Variants in CDYL2 observed in about 807,000 individuals in gnomAD.
CDYL2 encodes chromodomain Y like 2, also known as chromodomain Y-like protein 2.
A neutral mutation model predicts 49.4 loss-of-function variants in CDYL2; 23 were observed. The ratio of observed to expected loss-of-function variants is 0.47; its 90% CI spans 0.34 to 0.66. The LOEUF (loss-of-function observed/expected upper bound fraction) is 0.66, where lower values mean the gene tolerates loss of function less well. CDYL2 is among the 30% of genes least tolerant of loss of function. CDYL2 has a pLI of 0.01. For missense variants in CDYL2, 678 were observed against 656.4 expected, an observed-to-expected ratio of 1.03 and a Z score of -0.36; for synonymous variants, 360 against 268.8, an observed-to-expected ratio of 1.34 and a Z score of -3.32.
At chr16:80,670,341 G>A (rs1909448854) in intron 2 of CDYL2, among the ~76,000 whole-genome samples, 1 of 152,112 alleles carries the variant, frequency 6.6e-6, no homozygotes, top group Non-Finnish European at 1.5e-5. Flanking sequence ...GAGTTCTCAT[G>A]AGATCTGATG....
intron 1 of CDYL2, among the ~76,000 whole-genome samples, chr16:80,775,225 A>G (rs1907041619): frequency 1.3e-5 from 2 of 151,794 alleles, no homozygotes; most frequent in Admixed American, 6.6e-5. Flanking sequence ...AATATATTAT[A>G]AGTGAAGATA....
chr16:80,668,908 T>A (rs1347076870), intron 2 of CDYL2, among the ~76,000 whole-genome samples: 1 of 151,838 alleles, frequency 6.6e-6, no homozygotes, highest in African/African-American at 2.4e-5. Context: ...CAAATAATAA[T>A]AATAATTTAA....
chr16:80,688,576 T>C (rs1910291019), intron 1 of CDYL2, among the ~76,000 whole-genome samples: 1 of 152,146 alleles, frequency 6.6e-6, no homozygotes, highest in Admixed American at 6.5e-5. Context: ...TTTTTGCAGG[T>C]TCAGAAAACA....
chr16:80,799,161 C>T (rs1907852954), intron 1 of CDYL2, among the ~76,000 whole-genome samples: 1 of 151,944 alleles, frequency 6.6e-6, no homozygotes, highest in Non-Finnish European at 1.5e-5. Context: ...TAACTACCCC[C>T]AAAAGCTAAC....
chr16:80,598,275 T>C lies in CDYL2; in HGVS notation c.*6113A>G, dbSNP rs148757783. 50 of 151,708 alleles carry C rather than the reference T, an allele frequency of 3.3e-4. No homozygotes were observed. The highest frequency in any genetic ancestry group is 1.2e-3 in the African/African-American group (48 of 41,338). The allele number at this position is 151,708 out of a possible 1,614,324, so 9.4% of individuals were successfully genotyped here. A position where few individuals can be genotyped will look rare whatever the true frequency, so the allele number is the denominator to read the frequency against. On this transcript the variant is annotated 3_prime_UTR_variant, in exon 7 of 7. Transcript: ENST00000570137. The stretch of plus-strand genomic sequence containing the variant: ...AATTTTGCAAAGGTCTCGGTGGATT[T>C]TGGTGTATGCTACATCCATGATCAA...
At chr16:80,628,688 T>TATAGATATTAGTTATAGATA (rs2142386036) in intron 3 of CDYL2, among the ~76,000 whole-genome samples, 1 of 152,350 alleles carries the variant, frequency 6.6e-6, no homozygotes, top group Non-Finnish European at 1.5e-5. Context: ...AGATAACTAA[T>TATAGATATTAGTTATAGATA]ACAATCCCAC....
intron 1 of CDYL2, among the ~76,000 whole-genome samples, chr16:80,780,372 G>C (rs1292570315): frequency 3.3e-5 from 5 of 150,716 alleles, no homozygotes; most frequent in Admixed American, 3.3e-4. Context: ...CTGTACATGA[G>C]GAAAATGATA....
chr16:80,663,330 A>C (rs983479461), intron 2 of CDYL2, among the ~76,000 whole-genome samples: 1 of 151,802 alleles, frequency 6.6e-6, no homozygotes, highest in African/African-American at 2.4e-5. Flanking sequence ...TCAGTTCTAC[A>C]GTTGAGTGGA....
intron 1 of CDYL2, among the ~76,000 whole-genome samples, chr16:80,780,835 C>A (rs1597130679): frequency 6.6e-6 from 1 of 152,168 alleles, no homozygotes; most frequent in Admixed American, 6.6e-5. Context: ...AAAATTCTCT[C>A]TCCTCCACAA....
chr16:80,756,346 A>T (rs548723835), intron 1 of CDYL2, among the ~76,000 whole-genome samples: 1 of 151,910 alleles, frequency 6.6e-6, no homozygotes, highest in South Asian at 2.1e-4. Flanking sequence ...ATGAGAAAAC[A>T]CAAACACACA....
At chr16:80,746,480 C>T (rs1905935308) in intron 1 of CDYL2, among the ~76,000 whole-genome samples, 2 of 152,306 alleles carry the variant, frequency 1.3e-5, no homozygotes, top group South Asian at 2.1e-4. Flanking sequence ...GAGCAATTTT[C>T]CTTGCATCCT....
chr16:80,717,871 G>T (rs906742939), intron 1 of CDYL2, among the ~76,000 whole-genome samples: 1 of 152,234 alleles, frequency 6.6e-6, no homozygotes, highest in African/African-American at 2.4e-5. Context: ...TCCTAGAACA[G>T]TTATCCCACA....
intron 1 of CDYL2, among the ~76,000 whole-genome samples, chr16:80,770,512 A>G (rs1906870085): frequency 2.0e-5 from 3 of 152,344 alleles, no homozygotes; most frequent in East Asian, 1.9e-4. Flanking sequence ...CAGATCTGCT[A>G]AAGCCCAGAA....
In CDYL2 at chr16:80,603,345, AG is replaced by A. The variant is rs1436736294; in HGVS notation, c.*1042del. On this transcript the variant is annotated 3_prime_UTR_variant, in exon 7 of 7. Transcript: ENST00000570137. ...CGCAATTTGGGACTGGGTCTGTTTC[AG>A]GATCATTCAGGCTAAGAGGGCCCTT... 1 of 152,218 alleles carries A rather than the reference AG, an allele frequency of 6.6e-6. No individual in the cohort carries two copies. Among genetic ancestry groups the A allele is most frequent in the African/African-American group, 2.4e-5 (1 of 41,444 alleles). 9.4% of individuals were successfully genotyped at this position (152,218 alleles called of 1,614,324 possible).
At chr16:80,762,178 G>C (rs917741577) in intron 1 of CDYL2, among the ~76,000 whole-genome samples, 2 of 151,986 alleles carry the variant, frequency 1.3e-5, no homozygotes, top group Non-Finnish European at 2.9e-5. Flanking sequence ...AGTGAGACTT[G>C]TCTCAAAAAT....
intron 1 of CDYL2, among the ~76,000 whole-genome samples, chr16:80,750,233 T>C (rs972598367): frequency 6.6e-6 from 1 of 151,756 alleles, no homozygotes; most frequent in Non-Finnish European, 1.5e-5. Flanking sequence ...AATAAAAATA[T>C]ATTTTAAAAA....
intron 4 of CDYL2, among the ~76,000 whole-genome samples, chr16:80,615,316 C>CT (rs1374880939): frequency 6.6e-6 from 1 of 152,096 alleles, no homozygotes; most frequent in East Asian, 1.9e-4. Context: ...GGGATATGGA[C>CT]TTTTTTGGAG....
rs763194077 is a variant in CDYL2, at chr16:80,712,215, A to ATATATATATATCTCTCTC, written c.25-27087_25-27086insGAGAGAGATATATATATA. Among the ~76,000 whole-genome samples, 24 of 128,374 alleles carry ATATATATATATCTCTCTC rather than the reference A, an allele frequency of 1.9e-4. 1 individual carries two copies. The highest frequency in any genetic ancestry group is 3.5e-4 in the Non-Finnish European group (20 of 56,978). The allele number at this position is 128,374 out of a possible 152,430, so 84.2% of individuals were successfully genotyped here. The stretch of plus-strand genomic sequence containing the variant: ...TGTATATATATATATATATATATAT[A>ATATATATATATCTCTCTC]TCTCCAAACCACTGCTCACTGTGAT... On this transcript the variant is annotated intron_variant, in intron 1 of 6. Transcript: ENST00000570137.
chr16:80,725,765 G>A (rs145190335), intron 1 of CDYL2, among the ~76,000 whole-genome samples: 37 of 152,288 alleles, frequency 2.4e-4, no homozygotes, highest in Middle Eastern at 3.4e-3. Context: ...TGAGTAACGC[G>A]CTTTAGCAAC....
Sources: allele counts gnomAD v4.1 joint callset (sites outside exome capture counted in the v4.1 genomes callset), GRCh38; gene constraint gnomAD v4.1.1; transcripts MANE v1.5; gene names NCBI Gene and HGNC (gene_info 2026-07-23, HGNC 2026-07-21).